The following RHO variants were observed in gnomAD, a reference collection of about 807,000 sequenced individuals.
The protein encoded by RHO is opsin 2, rod pigment.
In RHO, 21 loss-of-function variants were observed where a neutral mutation model predicts 31.2. The observed-to-expected ratio is 0.67, with a 90% confidence interval of 0.48 to 0.97. RHO has a LOEUF of 0.97. Among genes scored for constraint, RHO ranks in the 50% least tolerant of loss-of-function variants. RHO has a pLI of 0.00. For missense variants in RHO, 414 were observed against 479.5 expected (o/e 0.86, Z 1.28); for synonymous variants, 211 against 196.6 (o/e 1.07, Z -0.61).
chr3:129,532,459 A>T lies in RHO; in HGVS notation c.696+43A>T. Reference sequence around the variant, plus strand: ...GGCGGCCTCACGGCTCTGAGGGTCCAGCCCCCAGCATGCATCTGCGGCTCC... The same window carrying T: ...GGCGGCCTCACGGCTCTGAGGGTCCTGCCCCCAGCATGCATCTGCGGCTCC... On this transcript the variant is annotated intron_variant, in intron 3 of 4. Transcript: ENST00000296271. The surrounding 1 kb of genome is among the most constrained non-coding windows in gnomAD (Gnocchi z 5.5). 6.2e-7 allele frequency: 1 copy of T among 1,613,840 alleles called. No homozygotes were observed. The highest frequency in any genetic ancestry group is 8.5e-7 in the Non-Finnish European group (1 of 1,179,988).
At position 129,532,501 on chromosome 3, in the gene RHO, C is replaced by T; in HGVS notation, c.697-32C>T. 6 of 1,613,930 alleles carry T rather than the reference C, an allele frequency of 3.7e-6. No homozygotes were observed. Among genetic ancestry groups the T allele is most frequent in the Non-Finnish European group, 3.4e-6 (4 of 1,180,024 alleles). Reference sequence around the variant, plus strand: ...TGCGGCTCCTGCTCCCTGGAGGAGCCATGGTCTGGACCCGGGTCCCGTGTC... The same window carrying T: ...TGCGGCTCCTGCTCCCTGGAGGAGCTATGGTCTGGACCCGGGTCCCGTGTC... On this transcript the variant is annotated intron_variant, in intron 3 of 4. Coordinates refer to ENST00000296271, the MANE Select transcript of RHO (RefSeq NM_000539.3). The surrounding 1 kb of genome is among the most constrained non-coding windows in gnomAD (Gnocchi z 5.5).
At position 129,529,166 on chromosome 3, in the gene RHO, G is replaced by A. The variant is rs564018441; in HGVS notation, c.361+72G>A. On this transcript the variant is annotated intron_variant, in intron 1 of 4. Transcript: ENST00000296271. ...AGGGGTCTGGGAGAGTCCCGGGCTTGGCGGTGGTGGCTGAGAGGCCTTCTC... is the reference window on the plus strand; with the variant it reads ...AGGGGTCTGGGAGAGTCCCGGGCTTAGCGGTGGTGGCTGAGAGGCCTTCTC... The A allele has an allele frequency of 3.1e-5, 47 of 1,538,246 alleles. No individual in the cohort carries two copies. The East Asian group carries it at 5.9e-4, about 19-fold the overall frequency.
chr3:129,531,146 G>T, intron 2 of RHO, 102 bp downstream of exon 2: 2 of 1,389,278 alleles, frequency 1.4e-6, no homozygotes, highest in South Asian at 2.4e-5. Context: ...CACTGACCTT[G>T]TATGTCTCCT....
At position 129,530,530 on chromosome 3, in the gene RHO, CACA is replaced by C. The variant is rs1175399101; in HGVS notation, c.362-342_362-340del. 4.7e-3 allele frequency among the ~76,000 whole-genome samples: 628 copies of C among 132,262 alleles called. 1 individual carries two copies. The highest frequency in any genetic ancestry group is 7.0e-3 in the Non-Finnish European group (462 of 66,374). 86.8% of individuals were successfully genotyped at this position (132,262 alleles called of 152,430 possible). A position where few individuals can be genotyped will look rare whatever the true frequency, so the allele number is the denominator to read the frequency against. ...AAACACACACACACACACACACACACACAACACACACACACACACACACACACA... is the reference window on the plus strand; with the variant it reads ...AAACACACACACACACACACACACACACACACACACACACACACACACACA... On this transcript the variant is annotated intron_variant, in intron 1 of 4. Coordinates refer to ENST00000296271, the MANE Select transcript of RHO (RefSeq NM_000539.3).
chr3:129,531,950 C>T (rs56120415), intron 2 of RHO, among the ~76,000 whole-genome samples: 11,832 of 152,140 alleles, frequency 0.078, 522 homozygotes, highest in South Asian at 0.11. Flanking sequence ...CCTCACCAAC[C>T]CTCTGCGTGG....
intron 1 of RHO, among the ~76,000 whole-genome samples, chr3:129,530,525 AC>A (rs1481072835): frequency 4.7e-5 from 6 of 126,800 alleles, no homozygotes; most frequent in African/African-American, 2.6e-4. Context: ...ACACACACAC[AC>A]ACACACAACA....
chr3:129,531,025 C>A lies in RHO; in HGVS notation c.511C>A (p.Pro171Thr). Residue 171 changes from proline (P) to threonine (T), a missense_variant, in exon 2 of 5, where the codon CCA becomes ACA. By Grantham distance (38) the Pro-to-Thr change is conservative. Coordinates refer to ENST00000296271, the MANE Select transcript of RHO (RefSeq NM_000539.3). ...WVMALACAAPPLAGWSRYIPE... is the reference protein window; with the variant it reads ...WVMALACAAPTLAGWSRYIPE... ...CATGGCGCTGGCCTGCGCCGCACCCCCACTCGCCGGCTGGTCCAGGTAATG... is the reference window on the plus strand; with the variant it reads ...CATGGCGCTGGCCTGCGCCGCACCCACACTCGCCGGCTGGTCCAGGTAATG... The A allele has an allele frequency of 6.2e-7, 1 of 1,614,054 alleles. No individual in the cohort carries two copies. Among genetic ancestry groups the A allele is most frequent in the South Asian group, 1.1e-5 (1 of 91,090 alleles).
intron 1 of RHO, 129 bp from the exon 2 acceptor site, chr3:129,530,746 TC>T: frequency 1.8e-6 from 2 of 1,121,570 alleles, no homozygotes; most frequent in Admixed American, 1.7e-5. Flanking sequence ...GCTCTCTCCT[TC>T]CCCAAGGCCT....
intron 2 of RHO, 99 bp downstream of exon 2, chr3:129,531,143 C>A: frequency 7.2e-7 from 1 of 1,394,584 alleles, no homozygotes; most frequent in Non-Finnish European, 9.9e-7. Context: ...AGGCACTGAC[C>A]TTGTATGTCT....
chr3:129,530,533 AACACACACACACACAC>A (rs60120581), intron 1 of RHO, among the ~76,000 whole-genome samples: 1 of 122,898 alleles, frequency 8.1e-6, no homozygotes, highest in Non-Finnish European at 1.6e-5. Flanking sequence ...ACACACACAC[AACACACACACACACAC>A]ACACACACAC....
chr3:129,532,183 G>A lies in RHO; in HGVS notation c.531-68G>A, dbSNP rs985591614. 87 of 1,348,680 alleles carry A rather than the reference G, an allele frequency of 6.5e-5. No homozygotes were observed. The Admixed American group carries it at 1.2e-3, about 19-fold the overall frequency. 83.5% of individuals were successfully genotyped at this position (1,348,680 alleles called of 1,614,324 possible). ...ATGTGAAGCCCCAGAAAGGGCCAGC[G>A]CTCGGCAGCCACCTTGGCTGTTCCC... is the stretch of plus-strand genomic sequence containing the variant. On this transcript the variant is annotated intron_variant, in intron 2 of 4. Coordinates refer to ENST00000296271, the MANE Select transcript of RHO (RefSeq NM_000539.3). This position sits in a 1 kb window ranked among gnomAD's most constrained non-coding sequence, Gnocchi z 5.5.
rs1299366616 is a variant in RHO, at chr3:129,532,369, A to T, written c.649A>T (p.Ile217Phe). The T allele has an allele frequency of 6.2e-7, 1 of 1,613,498 alleles. No homozygotes were observed. ...CGTGGTCCACTTCACCATCCCCATG[A>T]TTATCATCTTTTTCTGCTATGGGCA... is the stretch of plus-strand genomic sequence containing the variant. ...MFVVHFTIPM[I>F]IIFFCYGQLV... The change falls in exon 3 of 5, where the codon ATT becomes TTT. Residue 217 changes from isoleucine to phenylalanine, a missense_variant. Physicochemically the swap from Ile to Phe is conservative, Grantham distance 21. Coordinates refer to ENST00000296271, the MANE Select transcript of RHO (RefSeq NM_000539.3). The surrounding 1 kb of genome is among the most constrained non-coding windows in gnomAD (Gnocchi z 5.5).
rs1350872553 is a variant in RHO at position 129,532,431 on chromosome 3, G to A, written c.696+15G>A. On this transcript the variant is annotated intron_variant, in intron 3 of 4. Coordinates refer to ENST00000296271, the MANE Select transcript of RHO (RefSeq NM_000539.3). The surrounding 1 kb of genome is among the most constrained non-coding windows in gnomAD (Gnocchi z 5.5). ...CCGTCAAGGAGGTACGGGCCGGGGG[G>A]TGGGCGGCCTCACGGCTCTGAGGGT... 9.9e-6 allele frequency: 16 copies of A among 1,613,780 alleles called. No individual in the cohort carries two copies. In the South Asian group the frequency reaches 1.5e-4, roughly 16 times the overall value.
intron 1 of RHO, among the ~76,000 whole-genome samples, chr3:129,529,299 C>G (rs2084760665): frequency 6.6e-6 from 1 of 152,282 alleles, no homozygotes; most frequent in South Asian, 2.1e-4. Context: ...GCACTGAACA[C>G]TGCCTTGATC....
At chr3:129,530,725 C>G (rs1039824365) in intron 1 of RHO, 151 bp from the exon 2 acceptor site, 1 of 924,050 alleles carries the variant, frequency 1.1e-6, no homozygotes, top group Admixed American at 1.8e-5. Flanking sequence ...TCCCCCTCCT[C>G]CCAGCACCAA....
intron 2 of RHO, 120 bp downstream of exon 2, chr3:129,531,164 A>G: frequency 8.6e-6 from 10 of 1,158,578 alleles, no homozygotes; most frequent in Non-Finnish European, 1.1e-5. Flanking sequence ...CCTGGCCCAA[A>G]TGCCCACTCA....
At chr3:129,531,602 T>A (rs1174134742) in intron 2 of RHO, among the ~76,000 whole-genome samples, 4 of 152,160 alleles carry the variant, frequency 2.6e-5, no homozygotes, top group East Asian at 3.9e-4. Flanking sequence ...TCCTCCTCAG[T>A]CTTGCTAGGG....
chr3:129,533,983 A>C lies in RHO; in HGVS notation c.*265A>C. The C allele has an allele frequency of 2.3e-6, 1 of 443,230 alleles. No homozygotes were observed. Among genetic ancestry groups the C allele is most frequent in the Non-Finnish European group, 4.1e-6 (1 of 242,518 alleles). 27.5% of individuals were successfully genotyped at this position (443,230 alleles called of 1,614,324 possible). Reference sequence around the variant, plus strand: ...CGGGATGTGTGCCCCTCCTCCTCCCAACTCATCTTTCAGGAACACGAGGAT... The same window carrying C: ...CGGGATGTGTGCCCCTCCTCCTCCCCACTCATCTTTCAGGAACACGAGGAT... On this transcript the variant is annotated 3_prime_UTR_variant, in exon 5 of 5. Transcript: ENST00000296271.
At chr3:129,530,084 T>G (rs1348452172) in intron 1 of RHO, among the ~76,000 whole-genome samples, 1 of 152,230 alleles carries the variant, frequency 6.6e-6, no homozygotes, top group African/African-American at 2.4e-5. Flanking sequence ...AGGGAATCTC[T>G]GGCCATTGTT....
Sources: allele counts gnomAD v4.1 joint callset (sites outside exome capture counted in the v4.1 genomes callset), GRCh38; gene constraint gnomAD v4.1.1; non-coding constraint Gnocchi (gnomAD v3.1); transcripts MANE v1.5; gene names NCBI Gene and HGNC (gene_info 2026-07-23, HGNC 2026-07-21).